The following ATRNL1 variants were observed in gnomAD, a reference collection of about 807,000 sequenced individuals.
ATRNL1 encodes the protein attractin-like protein 1.
A neutral mutation model predicts 182.7 loss-of-function variants in ATRNL1; 95 were observed. That is an observed-to-expected ratio of 0.52 (90% CI 0.44 to 0.62). The LOEUF is 0.62. Among genes scored for constraint, ATRNL1 ranks in the 20% least tolerant of loss-of-function variants. ATRNL1 has a pLI of 0.00. For synonymous variants in ATRNL1, 576 were observed against 568.3 expected, an observed-to-expected ratio of 1.01 and a Z score of -0.19; for missense variants, 1,471 against 1,679.5, an observed-to-expected ratio of 0.88 and a Z score of 2.17.
At chr10:115,514,293 G>A (rs1384133101) in intron 24 of ATRNL1, among the ~76,000 whole-genome samples, 1 of 151,784 alleles carries the variant, frequency 6.6e-6, no homozygotes, top group Non-Finnish European at 1.5e-5. Flanking sequence ...AATCAAAATA[G>A]CATTCATATT....
At chr10:115,223,913 G>GTGTATATATATA (rs71476115) in intron 9 of ATRNL1, among the ~76,000 whole-genome samples, 17 of 55,928 alleles carry the variant, frequency 3.0e-4, no homozygotes, top group African/African-American at 1.2e-3. Context: ...GTGTGTGTGT[G>GTGTATATATATA]TATATATATA....
At chr10:115,501,602 A>G (rs557759425) in intron 24 of ATRNL1, among the ~76,000 whole-genome samples, 177 of 152,330 alleles carry the variant, frequency 1.2e-3, no homozygotes, top group Non-Finnish European at 2.3e-3. Flanking sequence ...CTATATTGCC[A>G]TAAGTTAAGA....
chr10:115,504,054 G>T lies in ATRNL1; in HGVS notation c.3655-15209G>T, dbSNP rs186492440. Among the ~76,000 whole-genome samples the T allele has an allele frequency of 1.7e-3, 249 of 150,906 alleles. 1 individual carries two copies. Among genetic ancestry groups the T allele is most frequent in the African/African-American group, 5.9e-3 (243 of 41,200 alleles). On this transcript the variant is annotated intron_variant, in intron 24 of 28. Coordinates refer to ENST00000355044, the MANE Select transcript of ATRNL1 (RefSeq NM_207303.4). ...GTTTTTATACAAATATATTATTATT[G>T]GAAAATGCCCAAATAATGAAATATC... is the stretch of plus-strand genomic sequence containing the variant.
chr10:115,419,687 T>C (rs1462957704), intron 20 of ATRNL1, among the ~76,000 whole-genome samples: 8 of 152,212 alleles, frequency 5.3e-5, no homozygotes, highest in Non-Finnish European at 1.2e-4. Context: ...GGCCATTATA[T>C]AATAATAGCA....
chr10:115,425,249 A>G (rs1479027837), intron 20 of ATRNL1, among the ~76,000 whole-genome samples: 2 of 151,800 alleles, frequency 1.3e-5, no homozygotes, highest in Non-Finnish European at 2.9e-5. Flanking sequence ...GAAAAACTAA[A>G]GACATTTTAG....
chr10:115,338,037 G>A (rs1258623229), intron 19 of ATRNL1, among the ~76,000 whole-genome samples: 1 of 152,060 alleles, frequency 6.6e-6, no homozygotes, highest in Non-Finnish European at 1.5e-5. Flanking sequence ...GCAGAGCTCT[G>A]GCCTGAATGC....
chr10:115,869,964 C>CTTT lies in ATRNL1; in HGVS notation c.4018+21999_4018+22001dup, dbSNP rs150345069. 1.6e-3 allele frequency among the ~76,000 whole-genome samples: 116 copies of CTTT among 71,716 alleles called. 5 individuals carry two copies. The highest frequency in any genetic ancestry group is 0.011 in the South Asian group (13 of 1,212). 47.0% of individuals were successfully genotyped at this position (71,716 alleles called of 152,430 possible). ...TTGGGTATTTATGTTGTTCCCAGAC[C>CTTT]TTTTTTTTTTTTTTTTTTTTTTTTT... On this transcript the variant is annotated intron_variant, in intron 28 of 28. Coordinates refer to ENST00000355044, the MANE Select transcript of ATRNL1 (RefSeq NM_207303.4).
intron 19 of ATRNL1, among the ~76,000 whole-genome samples, chr10:115,375,602 A>C (rs1294860494): frequency 2.6e-5 from 4 of 151,724 alleles, no homozygotes; most frequent in Non-Finnish European, 5.9e-5. Context: ...GTATGCTCTC[A>C]TTCTTTTTTC....
chr10:115,375,301 T>C (rs970628927), intron 19 of ATRNL1, among the ~76,000 whole-genome samples: 6 of 151,886 alleles, frequency 4.0e-5, no homozygotes, highest in African/African-American at 1.4e-4. Context: ...CTGATCTCAT[T>C]TGGTTATTCT....
intron 28 of ATRNL1, among the ~76,000 whole-genome samples, chr10:115,890,300 C>T (rs1952049181): frequency 1.3e-5 from 2 of 152,112 alleles, no homozygotes; most frequent in South Asian, 4.2e-4. Context: ...TTGAAGGATT[C>T]CATTTTTCAC....
intron 12 of ATRNL1, 49 bp downstream of exon 12, chr10:115,267,054 A>T (rs782698713): frequency 1.6e-6 from 2 of 1,278,056 alleles, no homozygotes; most frequent in South Asian, 1.3e-5. Flanking sequence ...TTTCTCTTCT[A>T]CAGAAGTAGA....
At chr10:115,774,922 A>G (rs1408184120) in intron 27 of ATRNL1, among the ~76,000 whole-genome samples, 1 of 151,536 alleles carries the variant, frequency 6.6e-6, no homozygotes, top group Non-Finnish European at 1.5e-5. Flanking sequence ...CCCCCATCCC[A>G]CAGGCATCAA....
intron 1 of ATRNL1, among the ~76,000 whole-genome samples, chr10:115,101,084 C>T (rs1297750214): frequency 6.6e-6 from 1 of 152,094 alleles, no homozygotes; most frequent in Non-Finnish European, 1.5e-5. Context: ...TGCAATCTTG[C>T]CAAACTTACT....
chr10:115,641,040 A>T (rs1565239474), intron 26 of ATRNL1, among the ~76,000 whole-genome samples: 1 of 152,068 alleles, frequency 6.6e-6, no homozygotes, highest in African/African-American at 2.4e-5. Flanking sequence ...TCCTTTCCCC[A>T]TTGCTTTTAA....
chr10:115,312,838 A>G (rs1014275551), intron 17 of ATRNL1, among the ~76,000 whole-genome samples: 1 of 151,966 alleles, frequency 6.6e-6, no homozygotes, highest in Non-Finnish European at 1.5e-5. Flanking sequence ...TTTGATTGGT[A>G]TAATTCAAAA....
intron 24 of ATRNL1, among the ~76,000 whole-genome samples, chr10:115,478,877 T>C (rs1554973621): frequency 1.3e-5 from 2 of 151,660 alleles, no homozygotes; most frequent in Non-Finnish European, 3.0e-5. Flanking sequence ...TCAAATATGT[T>C]TTCACTCCTA....
Position 115,847,763 on chromosome 10 carries a change from TGTCCTGAACAAC to T in ATRNL1, c.3904-113_3904-102del. ...GCTAGTGTTAAAATAACACATGGTG[TGTCCTGAACAAC>T]TAGGAATGTACAGCACAGCTACCTA... is the stretch of plus-strand genomic sequence containing the variant. On this transcript the variant is annotated intron_variant, in intron 27 of 28. Transcript: ENST00000355044. The T allele has an allele frequency of 4.6e-6, 3 of 657,904 alleles. No homozygotes were observed. The Admixed American group carries it at 6.6e-5, about 15-fold the overall frequency. 40.8% of individuals were successfully genotyped at this position (657,904 alleles called of 1,614,324 possible). A position where few individuals can be genotyped will look rare whatever the true frequency, so the allele number is the denominator to read the frequency against.
At chr10:115,701,191 T>C (rs2133995030) in intron 26 of ATRNL1, among the ~76,000 whole-genome samples, 1 of 152,148 alleles carries the variant, frequency 6.6e-6, no homozygotes, top group South Asian at 2.1e-4. Flanking sequence ...TTTAAAAACC[T>C]GCCCTTGAAT....
At chr10:115,812,610 G>A (rs1555087336) in intron 27 of ATRNL1, among the ~76,000 whole-genome samples, 1 of 152,024 alleles carries the variant, frequency 6.6e-6, no homozygotes, top group Non-Finnish European at 1.5e-5. Flanking sequence ...CCAAGCAGCT[G>A]GGATTACAGG....
Sources: allele counts gnomAD v4.1 joint callset (sites outside exome capture counted in the v4.1 genomes callset), GRCh38; gene constraint gnomAD v4.1.1; transcripts MANE v1.5; gene names NCBI Gene and HGNC (gene_info 2026-07-23, HGNC 2026-07-21).